Variants in PELP1 observed in about 807,000 individuals in gnomAD.
PELP1 encodes the protein proline, glutamate and leucine rich protein 1, also known as proline-, glutamic acid- and leucine-rich protein 1.
PELP1 carries 32 observed loss-of-function variants against 95.5 expected under a neutral mutation model. The ratio of observed to expected loss-of-function variants is 0.34; its 90% confidence interval spans 0.25 to 0.45. The LOEUF is 0.45. Ranked by LOEUF, PELP1 falls within the 20% of genes least tolerant of loss-of-function variation. The probability of loss-of-function intolerance (pLI) is 1.00; values close to 1 mark genes in which losing one functional copy is unlikely to be tolerated. For missense variants in PELP1, 1,358 were observed against 1,444.8 expected (o/e 0.94, Z 0.97); for synonymous variants, 668 against 600.1 (o/e 1.11, Z -1.65).
rs1726893299 is a variant in PELP1, at chr17:4,691,403, C to T, written c.289G>A (p.Ala97Thr). The T allele has an allele frequency of 1.2e-6, 2 of 1,613,664 alleles. No homozygotes were observed. Among genetic ancestry groups the T allele is most frequent in the Non-Finnish European group, 1.7e-6 (2 of 1,179,626 alleles). ...CGAGTTTTGATGGAACTGAGACGTG[C>T]ATTACTGAGACTCACCAATGCCCCA... ...ALGALVSLSN[A>T]RLSSIKTRFE... is the part of the protein sequence containing the mutation. The change falls in exon 2 of 17, where the codon GCA becomes ACA. Residue 97 changes from alanine (A) to threonine (T), a missense_variant. Ala to Thr is a moderately conservative substitution (Grantham distance 58). Coordinates refer to ENST00000572293, the MANE Select transcript of PELP1 (RefSeq NM_014389.3).
rs758223682 is a variant in PELP1, at chr17:4,675,911, T to C, written c.981-27A>G. ...TAAAGAGAATCAGAGCAGGGAGACC[T>C]TCAGAGCAGGCTCCCTGGCATAACT... is the stretch of plus-strand genomic sequence containing the variant. On this transcript the variant is annotated intron_variant, in intron 8 of 16. Coordinates refer to ENST00000572293, the MANE Select transcript of PELP1 (RefSeq NM_014389.3). This position sits in a 1 kb window ranked among gnomAD's most constrained non-coding sequence, Gnocchi z 4.3. 1.6e-4 allele frequency: 260 copies of C among 1,578,846 alleles called. No homozygotes were observed. Among genetic ancestry groups the C allele is most frequent in the Non-Finnish European group, 2.0e-4 (233 of 1,158,526 alleles).
At position 4,672,701 on chromosome 17, in the gene PELP1, C is replaced by T. The variant is rs1222929707; in HGVS notation, c.2290G>A (p.Ala764Thr). 7 of 1,613,242 alleles carry T rather than the reference C, an allele frequency of 4.3e-6. No homozygotes were observed. The African/African-American group carries it at 6.7e-5, about 15-fold the overall frequency. ...TCCTCCTTGTCATAGTGGACAAAGG[C>T]TGGTCTGGGCACTCTCCCCCCAAAA... ...ETFGGRVPRP[A>T]FVHYDKEEAS... Residue 764 changes from alanine (A) to threonine (T), a missense_variant, in exon 16 of 17, where the codon GCC becomes ACC. This residue lies in a region of PELP1 where 340 missense variants were observed against 322.9 expected (regional missense o/e 1.05). Transcript: ENST00000572293.
At chr17:4,677,550 CTGAAA>C (rs1175429418) in intron 5 of PELP1, among the ~76,000 whole-genome samples, 2 of 152,160 alleles carry the variant, frequency 1.3e-5, no homozygotes, top group African/African-American at 4.8e-5. Context: ...GTAACACATC[CTGAAA>C]TATCATTCAC....
At position 4,673,251 on chromosome 17, in the gene PELP1, T is replaced by A. The variant is rs1381143135; in HGVS notation, c.1844A>T (p.Glu615Val). The A allele has an allele frequency of 6.4e-7, 1 of 1,568,350 alleles. No individual in the cohort carries two copies. The highest frequency in any genetic ancestry group is 8.7e-7 in the Non-Finnish European group (1 of 1,156,012). ...FSLGQREDSL[E>V]VSSFCSEALV... is the part of the protein sequence containing the mutation. ...AGGGGCTTGGCCCATCACAGTTACC[T>A]CAAGGCTATCTTCTCGCTGGCCGAG... The change falls in exon 15 of 17, where the codon GAG becomes GTG. Residue 615 changes from glutamate to valine, a missense_variant and splice_region_variant. By Grantham distance (121) the Glu-to-Val change is moderately radical. Around this residue, in one of 7 missense-constraint regions of PELP1, gnomAD observed 18 missense variants for 39.0 expected, o/e 0.46. Transcript: ENST00000572293. The surrounding 1 kb of genome is among the most constrained non-coding windows in gnomAD (Gnocchi z 5.7).
chr17:4,700,574 CT>C (rs1340282828), intron 1 of PELP1, among the ~76,000 whole-genome samples: 3 of 152,060 alleles, frequency 2.0e-5, no homozygotes, highest in African/African-American at 7.2e-5. Context: ...GAACAAGACA[CT>C]GTTTTTGTCC....
chr17:4,704,120 G>C lies in PELP1; in HGVS notation c.-9C>G, dbSNP rs1913679342. 2 of 1,602,512 alleles carry C rather than the reference G, an allele frequency of 1.2e-6. No individual in the cohort carries two copies. The highest frequency in any genetic ancestry group is 1.6e-4 in the Middle Eastern group (1 of 6,064). ...AGAACGGCTGCCGCCATCTTCCCCCGGGTTCCAGTGGTGGCGTGGCGCGAT... is the reference window on the plus strand; with the variant it reads ...AGAACGGCTGCCGCCATCTTCCCCCCGGTTCCAGTGGTGGCGTGGCGCGAT... On this transcript the variant is annotated 5_prime_UTR_variant, in exon 1 of 17. Coordinates refer to ENST00000572293, the MANE Select transcript of PELP1 (RefSeq NM_014389.3).
intron 1 of PELP1, among the ~76,000 whole-genome samples, chr17:4,695,997 C>T (rs1386640688): frequency 7.1e-6 from 1 of 140,076 alleles, no homozygotes; most frequent in African/African-American, 2.6e-5. Context: ...AAAAGGCATA[C>T]TGATAACCAT....
intron 3 of PELP1, among the ~76,000 whole-genome samples, chr17:4,683,533 T>TTTTTC (rs1555553564): frequency 1.9e-5 from 2 of 108,002 alleles, no homozygotes; most frequent in Non-Finnish European, 3.6e-5. Flanking sequence ...TTTCTTTTCT[T>TTTTTC]TTTTTTTTTT....
Position 4,672,892 on chromosome 17 carries a change from G to A in PELP1, c.2099C>T (p.Pro700Leu), listed in dbSNP as rs772314522. 3 of 1,613,862 alleles carry A rather than the reference G, an allele frequency of 1.9e-6. No individual in the cohort carries two copies. Among genetic ancestry groups the A allele is most frequent in the Non-Finnish European group, 2.5e-6 (3 of 1,179,828 alleles). The change falls in exon 16 of 17, where the codon CCT becomes CTT. Residue 700 changes from proline (P) to leucine (L), a missense_variant. Coordinates refer to ENST00000572293, the MANE Select transcript of PELP1 (RefSeq NM_014389.3). ...PSAGPVPSAR[P>L]GPPTTANHLG... ...GTGGTTGGCTGTGGTGGGAGGTCCA[G>A]GGCGTGCCGAGGGCACAGGGCCTGC...
chr17:4,672,725 A>C lies in PELP1; in HGVS notation c.2266T>G (p.Phe756Val). 1 of 1,613,454 alleles carries C rather than the reference A, an allele frequency of 6.2e-7. No individual in the cohort carries two copies. Residue 756 changes from phenylalanine (F) to valine (V), a missense_variant, in exon 16 of 17, where the codon TTT becomes GTT. Physicochemically the swap from Phe to Val is conservative, Grantham distance 50. Around this residue, in one of 7 missense-constraint regions of PELP1, gnomAD observed 340 missense variants for 322.9 expected, o/e 1.05. Transcript: ENST00000572293. The part of the protein sequence containing the change: ...PPPTIPPDET[F>V]GGRVPRPAFV... ...GCTGGTCTGGGCACTCTCCCCCCAA[A>C]AGTTTCATCTGGGGGTATAGTAGGT...
rs781470306 is a variant in PELP1, at chr17:4,672,867, G to A, written c.2124C>T (p.His708=). Residue 708 remains histidine, a synonymous_variant, in exon 16 of 17, where the codon CAC becomes CAT. Transcript: ENST00000572293. The part of the protein sequence containing the change: ...ARPGPPTTAN[H]LGLSVPGLVS... ...CTAGGCCTGGGACAGAAAGGCCTAG[G>A]TGGTTGGCTGTGGTGGGAGGTCCAG... The A allele has an allele frequency of 6.2e-7, 1 of 1,613,840 alleles. No individual in the cohort carries two copies. Among genetic ancestry groups the A allele is most frequent in the Non-Finnish European group, 8.5e-7 (1 of 1,179,870 alleles).
chr17:4,702,727 G>A (rs1223055970), intron 1 of PELP1, among the ~76,000 whole-genome samples: 1 of 152,186 alleles, frequency 6.6e-6, no homozygotes, highest in African/African-American at 2.4e-5. Flanking sequence ...ATAGAGCTAG[G>A]AAGGTCCCAG....
chr17:4,702,160 T>C (rs1417083839), intron 1 of PELP1, among the ~76,000 whole-genome samples: 1 of 152,234 alleles, frequency 6.6e-6, no homozygotes, highest in Non-Finnish European at 1.5e-5. Context: ...GGCCCGTGCC[T>C]GTAATTCCAG....
chr17:4,671,633 C>G (rs919887888), intron 16 of PELP1, 58 bp downstream of exon 16: 1 of 1,600,252 alleles, frequency 6.2e-7, no homozygotes, highest in African/African-American at 1.3e-5. Context: ...AGCTGCCACC[C>G]CTTCTCCCGC....
In PELP1 at chr17:4,704,122, G is replaced by T. The variant is rs1031149095; in HGVS notation, c.-11C>A. 1 of 1,602,300 alleles carries T rather than the reference G, an allele frequency of 6.2e-7. No homozygotes were observed. The highest frequency in any genetic ancestry group is 8.5e-7 in the Non-Finnish European group (1 of 1,177,048). ...AACGGCTGCCGCCATCTTCCCCCGG[G>T]TTCCAGTGGTGGCGTGGCGCGATGA... On this transcript the variant is annotated 5_prime_UTR_variant, in exon 1 of 17. Coordinates refer to ENST00000572293, the MANE Select transcript of PELP1 (RefSeq NM_014389.3).
rs1369915542 is a variant in PELP1, at chr17:4,673,423, C to A, written c.1672G>T (p.Gly558Cys). 6.3e-7 allele frequency: 1 copy of A among 1,594,592 alleles called. No homozygotes were observed. The highest frequency in any genetic ancestry group is 8.5e-7 in the Non-Finnish European group (1 of 1,171,142). The change falls in exon 15 of 17, where the codon GGT (glycine) becomes TGT (cysteine). Residue 558 changes from glycine to cysteine, a missense_variant. Physicochemically the swap from Gly to Cys is radical, Grantham distance 159 (BLOSUM62 -3). Around this residue, in one of 7 missense-constraint regions of PELP1, gnomAD observed 538 missense variants for 628.1 expected, o/e 0.86. Transcript: ENST00000572293. This position sits in a 1 kb window ranked among gnomAD's most constrained non-coding sequence, Gnocchi z 5.7. ...LHDLVLPLVM[G>C]VQQGEVLGSS... is the part of the protein sequence containing the mutation. ...CCTAGGACCTCACCCTGCTGTACAC[C>A]CATGACCAGGGGGAGGACCAGGTCA...
At chr17:4,683,387 A>AT (rs1006845671) in intron 3 of PELP1, among the ~76,000 whole-genome samples, 80 of 151,566 alleles carry the variant, frequency 5.3e-4, no homozygotes, top group Non-Finnish European at 8.4e-4. Flanking sequence ...CGCCTGACTA[A>AT]TTTTTTGTAT....
In PELP1 at chr17:4,673,582, C is replaced by G; in HGVS notation, c.1638+37G>C. 6.2e-7 allele frequency: 1 copy of G among 1,606,416 alleles called. No homozygotes were observed. The highest frequency in any genetic ancestry group is 8.5e-7 in the Non-Finnish European group (1 of 1,173,030). On this transcript the variant is annotated intron_variant, in intron 14 of 16. Coordinates refer to ENST00000572293, the MANE Select transcript of PELP1 (RefSeq NM_014389.3). The surrounding 1 kb of genome is among the most constrained non-coding windows in gnomAD (Gnocchi z 5.7). Reference sequence around the variant, plus strand: ...CCCCAATGTGTACAGAGCAGGGGCCCCTTCCCCTATCTCCACGGAGACGAG... The same window carrying G: ...CCCCAATGTGTACAGAGCAGGGGCCGCTTCCCCTATCTCCACGGAGACGAG...
Position 4,675,687 on chromosome 17 carries a change from CT to C in PELP1, c.1068+109del, listed in dbSNP as rs2150554390. 1.2e-6 allele frequency: 1 copy of C among 802,256 alleles called. No homozygotes were observed. Among genetic ancestry groups the C allele is most frequent in the East Asian group, 2.7e-5 (1 of 37,598 alleles). The allele number at this position is 802,256 out of a possible 1,614,324, so 49.7% of individuals were successfully genotyped here. A position where few individuals can be genotyped will look rare whatever the true frequency, so the allele number is the denominator to read the frequency against. On this transcript the variant is annotated intron_variant, in intron 9 of 16. Coordinates refer to ENST00000572293, the MANE Select transcript of PELP1 (RefSeq NM_014389.3). The surrounding 1 kb of genome is among the most constrained non-coding windows in gnomAD (Gnocchi z 4.3). Reference sequence around the variant, plus strand: ...TATTTGGACAAAAGTAGGAAGCTCTCTGGGACGACTCCAGGATGACACTGTT... The same window carrying C: ...TATTTGGACAAAAGTAGGAAGCTCTCGGGACGACTCCAGGATGACACTGTT...
Sources: gnomAD v4.1 joint callset for allele counts (sites outside exome capture counted in the v4.1 genomes callset) on GRCh38, gnomAD v4.1.1 for gene constraint, gnomAD v4.1.1 regional missense constraint, Gnocchi (gnomAD v3.1) non-coding constraint, MANE v1.5 for transcripts, NCBI Gene and HGNC (gene_info 2026-07-23, HGNC 2026-07-21) for gene names.